Variants in CBFA2T3 observed in about 807,000 individuals in gnomAD.
CBFA2T3 encodes CBFA2/RUNX1 partner transcriptional co-repressor 3.
A neutral mutation model predicts 58.6 loss-of-function variants in CBFA2T3; 31 were observed. That is an observed-to-expected ratio of 0.53 (90% CI 0.40 to 0.71). The LOEUF is 0.71. Among genes scored for constraint, CBFA2T3 ranks in the 30% least tolerant of loss-of-function variants. CBFA2T3 has a pLI of 0.00. For synonymous variants in CBFA2T3, 531 were observed against 421.9 expected (o/e 1.26, Z -3.17); for missense variants, 1,076 against 963.1 (o/e 1.12, Z -1.55).
intron 5 of CBFA2T3, among the ~76,000 whole-genome samples, chr16:88,889,889 TTCC>T (rs752505827): frequency 8.5e-5 from 10 of 117,554 alleles, no homozygotes; most frequent in Non-Finnish European, 1.5e-4. Flanking sequence ...CGCCCCGCGA[TTCC>T]TCCTCCTTCA....
chr16:88,936,208 AG>A (rs1348730621), intron 1 of CBFA2T3, among the ~76,000 whole-genome samples: 1 of 152,166 alleles, frequency 6.6e-6, no homozygotes, highest in Admixed American at 6.5e-5. Context: ...GGTGCGCAGG[AG>A]CCCTCCTGAC....
chr16:88,970,836 G>A (rs984100819), intron 1 of CBFA2T3, among the ~76,000 whole-genome samples: 3 of 152,248 alleles, frequency 2.0e-5, no homozygotes, highest in Admixed American at 6.5e-5. Context: ...TCGTGCAGCC[G>A]ACGCTGGGGG....
chr16:88,897,945 A>G (rs969822533), intron 3 of CBFA2T3, 133 bp downstream of exon 3: 1 of 711,708 alleles, frequency 1.4e-6, no homozygotes, highest in Non-Finnish European at 2.5e-6. Context: ...AGACCAACAC[A>G]ACAGAGGCAA....
At chr16:88,924,145 G>C (rs1971010512) in intron 1 of CBFA2T3, among the ~76,000 whole-genome samples, 2 of 152,140 alleles carry the variant, frequency 1.3e-5, no homozygotes, top group African/African-American at 4.8e-5. Flanking sequence ...CCCTGCGGTG[G>C]GGCGGGGCAG....
Position 88,882,612 on chromosome 16 carries a change from G to T in CBFA2T3, c.1203+64C>A. On this transcript the variant is annotated intron_variant, in intron 8 of 11. Transcript: ENST00000268679. ...TGTGCATGGCTGTGTGTGCGTGGCT[G>T]TGTGTGTGCGTGGCTGTGCGCCTGG... is the stretch of plus-strand genomic sequence containing the variant. 10 of 985,480 alleles carry T rather than the reference G, an allele frequency of 1.0e-5. No individual in the cohort carries two copies. The South Asian group carries it at 1.3e-4, about 12-fold the overall frequency. 61.0% of individuals were successfully genotyped at this position (985,480 alleles called of 1,614,324 possible).
chr16:88,909,963 C>T (rs1970476363), intron 1 of CBFA2T3, among the ~76,000 whole-genome samples: 1 of 152,246 alleles, frequency 6.6e-6, no homozygotes, highest in Non-Finnish European at 1.5e-5. Context: ...CCCTCCAACA[C>T]ATTTCCCAAG....
intron 1 of CBFA2T3, chr16:88,936,992 A>C (rs934496924): frequency 2.0e-5 from 3 of 152,214 alleles, no homozygotes; most frequent in African/African-American, 7.2e-5. Flanking sequence ...TGATGCTACA[A>C]GGGCGGTTTC....
At chr16:88,911,248 T>C (rs1022521081) in intron 1 of CBFA2T3, among the ~76,000 whole-genome samples, 1 of 152,292 alleles carries the variant, frequency 6.6e-6, no homozygotes, top group East Asian at 1.9e-4. Flanking sequence ...CTGTGGGTGA[T>C]GACGATGGAC....
intron 1 of CBFA2T3, among the ~76,000 whole-genome samples, chr16:88,906,479 T>TG (rs373480543): frequency 3.7e-4 from 52 of 139,842 alleles, no homozygotes; most frequent in African/African-American, 1.4e-3. Context: ...CGGAGGTGAA[T>TG]AAGTCATCAA....
chr16:88,922,438 G>T (rs1006477597), intron 1 of CBFA2T3, among the ~76,000 whole-genome samples: 3 of 152,246 alleles, frequency 2.0e-5, no homozygotes, highest in Non-Finnish European at 4.4e-5. Flanking sequence ...CACCAGCGTG[G>T]GCGCAGTGGG....
In CBFA2T3 at chr16:88,972,469, TC is replaced by T. The variant is rs761885049; in HGVS notation, c.151+4187del. Reference sequence around the variant, plus strand: ...CCCCAGAGCTCTGCACTCTGCCGCCTCTGTCTGACCTTCGTAAATCCTCCCT... The same window carrying T: ...CCCCAGAGCTCTGCACTCTGCCGCCTTGTCTGACCTTCGTAAATCCTCCCT... On this transcript the variant is annotated intron_variant, in intron 1 of 11. Coordinates refer to ENST00000268679, the MANE Select transcript of CBFA2T3 (RefSeq NM_005187.6). Among the ~76,000 whole-genome samples the T allele has an allele frequency of 1.8e-3, 278 of 152,272 alleles. 1 individual carries two copies. Among genetic ancestry groups the T allele is most frequent in the Non-Finnish European group, 3.4e-3 (234 of 68,014 alleles).
chr16:88,927,759 G>A (rs983586726), intron 1 of CBFA2T3, among the ~76,000 whole-genome samples: 4 of 152,266 alleles, frequency 2.6e-5, no homozygotes, highest in South Asian at 4.1e-4. Context: ...CCGCCCGTGC[G>A]GACACCCGGG....
At chr16:88,894,721 T>G (rs116233084) in intron 3 of CBFA2T3, among the ~76,000 whole-genome samples, 5,710 of 152,294 alleles carry the variant, frequency 0.037, 185 homozygotes, top group African/African-American at 0.087. Flanking sequence ...GCTGAGAGTG[T>G]GGGTCTACGG....
At chr16:88,941,225 C>G in intron 1 of CBFA2T3, 1 of 959,812 alleles carries the variant, frequency 1.0e-6, no homozygotes, top group Non-Finnish European at 1.2e-6. Flanking sequence ...GGACTCGGCT[C>G]CGGCCACCCC....
At chr16:88,906,131 C>T (rs141304213) in intron 1 of CBFA2T3, among the ~76,000 whole-genome samples, 2,104 of 152,240 alleles carry the variant, frequency 0.014, 11 homozygotes, top group East Asian at 0.021. Context: ...TATCCCTGCA[C>T]CCCCAAGCAG....
At chr16:88,907,765 C>T (rs956597472) in intron 1 of CBFA2T3, among the ~76,000 whole-genome samples, 17 of 152,204 alleles carry the variant, frequency 1.1e-4, no homozygotes, top group African/African-American at 3.1e-4. Context: ...CCATGACTGA[C>T]GGTGGCATCT....
chr16:88,932,635 A>T (rs369163603), intron 1 of CBFA2T3, among the ~76,000 whole-genome samples: 7 of 151,364 alleles, frequency 4.6e-5, no homozygotes, highest in African/African-American at 1.5e-4. Context: ...CGATAGAGGG[A>T]GACCCCGACT....
At chr16:88,969,766 G>C (rs574521634) in intron 1 of CBFA2T3, among the ~76,000 whole-genome samples, 13 of 152,358 alleles carry the variant, frequency 8.5e-5, no homozygotes, top group African/African-American at 3.1e-4. Context: ...GGCAGGTGCT[G>C]GGGCTCCCGG....
At chr16:88,941,192 G>A (rs1971714636) in intron 1 of CBFA2T3, 1 of 981,606 alleles carries the variant, frequency 1.0e-6, no homozygotes, top group African/African-American at 1.8e-5. Context: ...GGGCGCGCGG[G>A]GCGGCCGCCT....
Sources: allele counts gnomAD v4.1 joint callset (sites outside exome capture counted in the v4.1 genomes callset), GRCh38; gene constraint gnomAD v4.1.1; transcripts MANE v1.5; gene names NCBI Gene and HGNC (gene_info 2026-07-23, HGNC 2026-07-21).